NPY2R: variants seen among roughly 807,000 people sequenced by gnomAD.
The protein encoded by NPY2R is neuropeptide Y receptor type 2.
NPY2R carries 17 observed loss-of-function variants against 22.3 expected under a neutral mutation model. The observed-to-expected ratio is 0.76, with a 90% confidence interval of 0.52 to 1.14. The LOEUF is 1.14. Among genes scored for constraint, NPY2R ranks in the 50% most tolerant of loss-of-function variants. The pLI is 0.00. For synonymous variants in NPY2R, 209 were observed against 183.4 expected (o/e 1.14, Z -1.13); for missense variants, 424 against 467.9 (o/e 0.91, Z 0.87).
the NPY2R span, among the ~76,000 whole-genome samples, chr4:155,176,753 C>T: frequency 2.0e-5 from 3 of 152,016 alleles, no homozygotes; most frequent in African/African-American, 4.8e-5. Context: ...ACAGTGGTGA[C>T]GGCTACAAAG....
At chr4:155,213,700 A>C (rs770018717) in intron 1 of NPY2R, among the ~76,000 whole-genome samples, 192 bp from the exon 2 acceptor site, 3 of 152,204 alleles carry the variant, frequency 2.0e-5, no homozygotes, top group Non-Finnish European at 4.4e-5. Context: ...ATATTTGACA[A>C]TAGACTTATT....
the NPY2R span, among the ~76,000 whole-genome samples, chr4:155,180,700 G>T: frequency 2.6e-5 from 4 of 151,892 alleles, no homozygotes; most frequent in African/African-American, 9.7e-5. Context: ...TCTTTGCAAA[G>T]TCTTCCAATT....
chr4:155,184,203 C>T, the NPY2R span, among the ~76,000 whole-genome samples: 1 of 127,844 alleles, frequency 7.8e-6, no homozygotes, highest in Non-Finnish European at 1.6e-5. Flanking sequence ...TCTCTTGACA[C>T]TGAACCCCAC....
chr4:155,205,280 G>C (rs1430278094), upstream of NPY2R, among the ~76,000 whole-genome samples: 1 of 152,142 alleles, frequency 6.6e-6, no homozygotes, highest in Non-Finnish European at 1.5e-5. Flanking sequence ...CATTGTTTTA[G>C]ATAATGCCTA....
intron 1 of NPY2R, among the ~76,000 whole-genome samples, chr4:155,213,638 A>G (rs1729448196): frequency 6.6e-6 from 1 of 152,236 alleles, no homozygotes; most frequent in Non-Finnish European, 1.5e-5. Flanking sequence ...TACTATCGGT[A>G]TTATACTTTA....
chr4:155,216,508 A>G lies in NPY2R; in HGVS notation c.*1423A>G, dbSNP rs187520987. 6.0e-6 allele frequency: 1 copy of G among 166,732 alleles called. No individual in the cohort carries two copies. Among genetic ancestry groups the G allele is most frequent in the African/African-American group, 2.4e-5 (1 of 41,574 alleles). The allele number at this position is 166,732 out of a possible 1,614,324, so 10.3% of individuals were successfully genotyped here. A position where few individuals can be genotyped will look rare whatever the true frequency, so the allele number is the denominator to read the frequency against. ...TAAATATGACAGAATTTGTGAATAT[A>G]TTTTTAAAGCAAAAAACTTCAACAT... On this transcript the variant is annotated 3_prime_UTR_variant, in exon 2 of 2. Transcript: ENST00000329476.
chr4:155,214,190 T>C lies in NPY2R; in HGVS notation c.251T>C (p.Val84Ala). 1 of 1,614,134 alleles carries C rather than the reference T, an allele frequency of 6.2e-7. No homozygotes were observed. Among genetic ancestry groups the C allele is most frequent in the Non-Finnish European group, 8.5e-7 (1 of 1,179,990 alleles). The change falls in exon 2 of 2, where the codon GTA becomes GCA. Residue 84 changes from valine to alanine, a missense_variant. By Grantham distance (64) the Val-to-Ala change is moderately conservative (BLOSUM62 0). Transcript: ENST00000329476. Reference sequence around the variant, plus strand: ...ATCAAATTCAAGAGCATGCGCACAGTAACCAACTTTTTCATTGCCAATCTG... The same window carrying C: ...ATCAAATTCAAGAGCATGCGCACAGCAACCAACTTTTTCATTGCCAATCTG... ...VVIKFKSMRT[V>A]TNFFIANLAV... is the part of the protein sequence containing the mutation.
chr4:155,185,071 G>A, the NPY2R span, among the ~76,000 whole-genome samples: 50 of 147,810 alleles, frequency 3.4e-4, no homozygotes, highest in African/African-American at 1.2e-3. Context: ...ATGGAGTCTC[G>A]CTCTGTCACC....
chr4:155,198,668 C>T, the NPY2R span, among the ~76,000 whole-genome samples: 3,015 of 114,414 alleles, frequency 0.026, 116 homozygotes, highest in African/African-American at 0.083. Flanking sequence ...GTGTCAGATG[C>T]CCTTGTCAAA....
upstream of NPY2R, among the ~76,000 whole-genome samples, chr4:155,206,122 C>A (rs534246916): frequency 1.3e-5 from 2 of 152,266 alleles, no homozygotes; most frequent in East Asian, 3.9e-4. Flanking sequence ...ACCTAGCATG[C>A]TGGTCCATTT....
the NPY2R span, among the ~76,000 whole-genome samples, chr4:155,193,175 TC>T: frequency 6.6e-6 from 1 of 151,854 alleles, no homozygotes; most frequent in Non-Finnish European, 1.5e-5. Flanking sequence ...AACTCTTTAA[TC>T]CTAGAGACTA....
At chr4:155,174,484 A>ATATAT in the NPY2R span, among the ~76,000 whole-genome samples, 30 of 106,072 alleles carry the variant, frequency 2.8e-4, no homozygotes, top group East Asian at 2.0e-3. Context: ...ATATATATAT[A>ATATAT]TTTTTTTTTT....
the NPY2R span, among the ~76,000 whole-genome samples, chr4:155,200,690 C>T: frequency 3.3e-5 from 4 of 120,322 alleles, no homozygotes; most frequent in East Asian, 8.1e-4. Flanking sequence ...GGAATGAAAT[C>T]ATGTCCTTTG....
intron 1 of NPY2R, among the ~76,000 whole-genome samples, chr4:155,213,012 TA>T (rs1729437424): frequency 6.6e-6 from 1 of 152,218 alleles, no homozygotes; most frequent in Non-Finnish European, 1.5e-5. Context: ...ACCATTATTC[TA>T]AGTGAAGTAA....
At chr4:155,199,900 A>G in the NPY2R span, among the ~76,000 whole-genome samples, 2 of 152,186 alleles carry the variant, frequency 1.3e-5, no homozygotes, top group African/African-American at 2.4e-5. Context: ...ACCCCAAACC[A>G]TAAAAATCCT....
chr4:155,198,844 A>G, the NPY2R span, among the ~76,000 whole-genome samples: 3 of 151,806 alleles, frequency 2.0e-5, no homozygotes, highest in Admixed American at 1.3e-4. Flanking sequence ...TGTAGAGTAC[A>G]GGTAGCTCTC....
chr4:155,181,455 A>C, the NPY2R span, among the ~76,000 whole-genome samples: 1 of 152,144 alleles, frequency 6.6e-6, no homozygotes, highest in Non-Finnish European at 1.5e-5. Context: ...TCTTCTGTAA[A>C]AGAGCATTAA....
the NPY2R span, among the ~76,000 whole-genome samples, chr4:155,182,271 A>T: frequency 1.5e-3 from 235 of 152,258 alleles, 1 homozygote; most frequent in African/African-American, 5.3e-3. Flanking sequence ...ATGTTTCTGG[A>T]GTCCACTGGT....
At chr4:155,175,670 A>G in the NPY2R span, among the ~76,000 whole-genome samples, 2 of 152,218 alleles carry the variant, frequency 1.3e-5, no homozygotes. Context: ...TCAAACAAAA[A>G]TGACAAGATA....
Sources: allele counts gnomAD v4.1 joint callset (sites outside exome capture counted in the v4.1 genomes callset), GRCh38; gene constraint gnomAD v4.1.1; transcripts MANE v1.5; gene names NCBI Gene and HGNC (gene_info 2026-07-23, HGNC 2026-07-21).